The following SETX variants were observed in gnomAD, a reference collection of about 807,000 sequenced individuals.
SETX encodes the protein helicase senataxin.
SETX carries 90 observed loss-of-function variants against 227.2 expected under a neutral mutation model. The ratio of observed to expected loss-of-function variants is 0.40; its 90% CI spans 0.33 to 0.47. SETX has a LOEUF of 0.47. Ranked by LOEUF, SETX falls within the 20% of genes least tolerant of loss-of-function variation. The pLI is 0.91. For missense variants in SETX, 3,052 were observed against 3,181.5 expected, an observed-to-expected ratio of 0.96 and a Z score of 0.98; for synonymous variants, 1,210 against 1,113.2, an observed-to-expected ratio of 1.09 and a Z score of -1.73.
chr9:132,348,361 T>A (rs1483472365), intron 3 of SETX, among the ~76,000 whole-genome samples: 44 of 37,716 alleles, frequency 1.2e-3, no homozygotes, highest in African/African-American at 3.4e-3. Flanking sequence ...AGACTCTGTC[T>A]CAAAAAAAAA....
chr9:132,302,355 T>C (rs1589681569), intron 11 of SETX, among the ~76,000 whole-genome samples: 3 of 46,496 alleles, frequency 6.5e-5, no homozygotes, highest in Non-Finnish European at 1.0e-4. Flanking sequence ...AGAATCCATC[T>C]CAAAAAAAAA....
At chr9:132,324,406 C>A (rs774394278) in intron 10 of SETX, among the ~76,000 whole-genome samples, 3 of 151,948 alleles carry the variant, frequency 2.0e-5, no homozygotes, top group Non-Finnish European at 4.4e-5. Flanking sequence ...GTTAACAACT[C>A]ACTTCTCTTC....
At chr9:132,331,565 G>A in intron 7 of SETX, 117 bp from the exon 8 acceptor site, 1 of 1,145,384 alleles carries the variant, frequency 8.7e-7, no homozygotes, top group Non-Finnish European at 1.3e-6. Flanking sequence ...AAAAGCCAAG[G>A]AGCAAATAAT....
intron 6 of SETX, 43 bp from the exon 7 acceptor site, chr9:132,334,770 C>T: frequency 1.2e-6 from 2 of 1,604,932 alleles, no homozygotes; most frequent in Non-Finnish European, 1.7e-6. Context: ...TGAAATAATA[C>T]TATACTAATG....
At chr9:132,312,996 T>C (rs970757014) in intron 10 of SETX, among the ~76,000 whole-genome samples, 1 of 152,146 alleles carries the variant, frequency 6.6e-6, no homozygotes, top group African/African-American at 2.4e-5. Flanking sequence ...AGAGACCACA[T>C]ATGTACACTT....
In SETX at chr9:132,328,073, C is replaced by T. The variant is rs1353053473; in HGVS notation, c.3525G>A (p.Arg1175=). ...CCTCATTTCTGACAGAAGATGAAGGCCTCACAGGATCTTCAGCCATTGGTT... is the reference window on the plus strand; with the variant it reads ...CCTCATTTCTGACAGAAGATGAAGGTCTCACAGGATCTTCAGCCATTGGTT... The part of the protein sequence containing the change: ...SEKPMAEDPV[R]PSSSVRNEGQ... Residue 1175 remains arginine (R), a synonymous_variant, in exon 10 of 26, where the codon AGG becomes AGA. Coordinates refer to ENST00000224140, the MANE Select transcript of SETX (RefSeq NM_015046.7). 1.5e-5 allele frequency: 24 copies of T among 1,614,034 alleles called. No individual in the cohort carries two copies. The highest frequency in any genetic ancestry group is 2.7e-5 in the African/African-American group (2 of 74,910).
At position 132,328,673 on chromosome 9, in the gene SETX, C is replaced by G. The variant is rs373389517; in HGVS notation, c.2925G>C (p.Thr975=). 1 of 1,613,322 alleles carries G rather than the reference C, an allele frequency of 6.2e-7. No homozygotes were observed. Among genetic ancestry groups the G allele is most frequent in the African/African-American group, 1.3e-5 (1 of 74,892 alleles). The change falls in exon 10 of 26, where the codon ACG becomes ACC. Residue 975 remains threonine (T), a synonymous_variant. Coordinates refer to ENST00000224140, the MANE Select transcript of SETX (RefSeq NM_015046.7). ...AGTTCTGAGGTGAATCGGATGGGAA[C>G]GTAATAACACTGGCTTGAGCTAGTA... ...LSLLAQASVI[T]FPSDSPQNSS...
chr9:132,306,084 C>A, intron 11 of SETX, among the ~76,000 whole-genome samples: 1 of 152,218 alleles, frequency 6.6e-6, no homozygotes, highest in African/African-American at 2.4e-5. Flanking sequence ...TCTCCTTACT[C>A]CATCCCATGC....
intron 2 of SETX, among the ~76,000 whole-genome samples, chr9:132,352,210 G>C (rs1848638578): frequency 6.6e-6 from 1 of 152,114 alleles, no homozygotes; most frequent in South Asian, 2.1e-4. Flanking sequence ...ACCTGACTCT[G>C]CTAAAGCATA....
intron 22 of SETX, among the ~76,000 whole-genome samples, chr9:132,276,635 C>G (rs1189875752): frequency 6.6e-6 from 1 of 152,222 alleles, no homozygotes; most frequent in Admixed American, 6.5e-5. Flanking sequence ...CACCTGAACA[C>G]ATGCCCTTAT....
At chr9:132,356,290 C>G (rs995883880), upstream of SETX, among the ~76,000 whole-genome samples, 1 of 152,094 alleles carries the variant, frequency 6.6e-6, no homozygotes, top group Non-Finnish European at 1.5e-5. Flanking sequence ...GCAACCTCCG[C>G]CTCCTGGGTT....
Position 132,264,156 on chromosome 9 carries a change from C to A in SETX, c.*83G>T. ...CAGCACACAAACTCCTTACAAAAAA[C>A]AAGCTTATCTAGATGGTCCCACGAG... On this transcript the variant is annotated 3_prime_UTR_variant, in exon 26 of 26. Coordinates refer to ENST00000224140, the MANE Select transcript of SETX (RefSeq NM_015046.7). 6.3e-7 allele frequency: 1 copy of A among 1,593,924 alleles called. No homozygotes were observed. Among genetic ancestry groups the A allele is most frequent in the Middle Eastern group, 1.8e-4 (1 of 5,590 alleles).
In SETX at chr9:132,329,531, T is replaced by TA. The variant is rs1469420067; in HGVS notation, c.2066dup (p.Leu689PhefsTer5). The stretch of plus-strand genomic sequence containing the variant: ...TAAAAATGTTTTTACTACTCTGCTT[T>TA]AAGCATGACCCAGCTAAGAGATGGT... On this transcript the variant is annotated frameshift_variant, in exon 10 of 26. Transcript: ENST00000224140. LOFTEE classifies it high-confidence loss of function. 2 of 1,612,980 alleles carry TA rather than the reference T, an allele frequency of 1.2e-6. No homozygotes were observed. The highest frequency in any genetic ancestry group is 8.5e-7 in the Non-Finnish European group (1 of 1,179,990).
intron 10 of SETX, among the ~76,000 whole-genome samples, chr9:132,323,858 G>T (rs1472311963): frequency 6.6e-6 from 1 of 151,978 alleles, no homozygotes; most frequent in Non-Finnish European, 1.5e-5. Flanking sequence ...AGCCATAATT[G>T]TGCCACTGTA....
At chr9:132,293,651 C>T (rs1046260411) in intron 15 of SETX, among the ~76,000 whole-genome samples, 3 of 152,130 alleles carry the variant, frequency 2.0e-5, no homozygotes, top group Non-Finnish European at 4.4e-5. Flanking sequence ...AACTCCTGAC[C>T]TCAGGTGATC....
chr9:132,285,161 G>A (rs535503748), intron 18 of SETX, among the ~76,000 whole-genome samples: 15 of 152,206 alleles, frequency 9.9e-5, no homozygotes, highest in Non-Finnish European at 1.5e-4. Context: ...ACAGGCGTGA[G>A]CCACCGCGCC....
At chr9:132,319,367 T>C (rs1846189860) in intron 10 of SETX, among the ~76,000 whole-genome samples, 1 of 152,200 alleles carries the variant, frequency 6.6e-6, no homozygotes, top group African/African-American at 2.4e-5. Context: ...TGGTTACTAT[T>C]ACTATTCCCC....
At chr9:132,334,585 A>C in intron 7 of SETX, 23 bp downstream of exon 7, 2 of 1,613,318 alleles carry the variant, frequency 1.2e-6, no homozygotes, top group Non-Finnish European at 1.7e-6. Flanking sequence ...ATTCAACAAC[A>C]TTCAGCAAGT....
chr9:132,264,746 G>C lies in SETX; in HGVS notation c.7527C>G (p.Tyr2509Ter). 1 of 1,614,172 alleles carries C rather than the reference G, an allele frequency of 6.2e-7. No individual in the cohort carries two copies. Among genetic ancestry groups the C allele is most frequent in the Non-Finnish European group, 8.5e-7 (1 of 1,180,034 alleles). Residue 2509 changes from tyrosine (Y) to a stop codon, truncating the protein, a stop_gained, in exon 26 of 26, where the codon TAC becomes TAG. Transcript: ENST00000224140. LOFTEE classifies it low-confidence loss of function (END_TRUNC). ...FAKTSVAASL[Y>*]HTPSDSKEIT... ...TTTCCTTGGAGTCAGAGGGTGTGTG[G>C]TATAGAGAAGCAGCAACAGATGTCT...
Sources: gnomAD v4.1 joint callset for allele counts (sites outside exome capture counted in the v4.1 genomes callset) on GRCh38, gnomAD v4.1.1 for gene constraint, MANE v1.5 for transcripts, NCBI Gene and HGNC (gene_info 2026-07-23, HGNC 2026-07-21) for gene names.